Variants in MDGA1 observed in about 807,000 individuals in gnomAD.
MDGA1 encodes the protein MAM domain-containing glycosylphosphatidylinositol anchor protein 1.
A neutral mutation model predicts 101.5 loss-of-function variants in MDGA1; 54 were observed. The ratio of observed to expected loss-of-function variants is 0.53; its 90% CI spans 0.43 to 0.67. The LOEUF is 0.67. Among genes scored for constraint, MDGA1 ranks in the 30% least tolerant of loss-of-function variants. The pLI is 0.00. For synonymous variants in MDGA1, 533 were observed against 558.3 expected (o/e 0.95, Z 0.64); for missense variants, 1,083 against 1,323.8 (o/e 0.82, Z 2.82).
intron 1 of MDGA1, among the ~76,000 whole-genome samples, chr6:37,693,236 C>T (rs987372420): frequency 1.3e-5 from 2 of 149,328 alleles, no homozygotes; most frequent in Non-Finnish European, 3.0e-5. Flanking sequence ...AGTGAAAAAC[C>T]TCAAGTGCCC....
intron 1 of MDGA1, among the ~76,000 whole-genome samples, chr6:37,667,474 T>G (rs781181452): frequency 1.3e-5 from 2 of 152,230 alleles, no homozygotes; most frequent in Non-Finnish European, 2.9e-5. Flanking sequence ...AGTCCCTATA[T>G]AAGATGCACT....
chr6:37,645,198 T>C (rs556764255), intron 12 of MDGA1, among the ~76,000 whole-genome samples: 1 of 152,290 alleles, frequency 6.6e-6, no homozygotes, highest in Non-Finnish European at 1.5e-5. Context: ...CCATTCATCA[T>C]TGAAGGGGAT....
At position 37,643,763 on chromosome 6, in the gene MDGA1, T is replaced by C. The variant is rs762041735; in HGVS notation, c.2536+46A>G. ...TCCTGTGGACCCCACTCCCCTCCCA[T>C]CCTCCAGCACACACTTGGTGGAGAC... is the stretch of plus-strand genomic sequence containing the variant. On this transcript the variant is annotated intron_variant, in intron 14 of 16. Transcript: ENST00000434837. 4 of 1,608,356 alleles carry C rather than the reference T, an allele frequency of 2.5e-6. 1 individual carries two copies. The South Asian group carries it at 4.4e-5, about 18-fold the overall frequency.
At chr6:37,644,412 C>A in intron 13 of MDGA1, 85 bp downstream of exon 13, 1 of 1,338,900 alleles carries the variant, frequency 7.5e-7, no homozygotes, top group Non-Finnish European at 9.8e-7. Flanking sequence ...GGAGCCGTCT[C>A]CCTTCATCCC....
chr6:37,670,965 T>C (rs1761856517), intron 1 of MDGA1, among the ~76,000 whole-genome samples: 1 of 152,198 alleles, frequency 6.6e-6, no homozygotes, highest in Non-Finnish European at 1.5e-5. Flanking sequence ...TTCAGAGGCA[T>C]GGCTGGATTT....
In MDGA1 at chr6:37,637,249, C is replaced by T; in HGVS notation, c.*119G>A. ...CATCCTTGCAGCCAATGCAGGCCCC[C>T]TCCCTGGCGGGCCGGCCCTGCCCCT... On this transcript the variant is annotated 3_prime_UTR_variant, in exon 17 of 17. Transcript: ENST00000434837. 1.4e-6 allele frequency: 1 copy of T among 732,638 alleles called. No homozygotes were observed. Among genetic ancestry groups the T allele is most frequent in the Non-Finnish European group, 2.3e-6 (1 of 428,998 alleles). The allele number at this position is 732,638 out of a possible 1,614,324, so 45.4% of individuals were successfully genotyped here. A position where few individuals can be genotyped will look rare whatever the true frequency, so the allele number is the denominator to read the frequency against.
chr6:37,643,804 C>A lies in MDGA1; in HGVS notation c.2536+5G>T, dbSNP rs758126469. The A allele has an allele frequency of 1.9e-6, 3 of 1,613,900 alleles. No homozygotes were observed. The highest frequency in any genetic ancestry group is 2.5e-6 in the Non-Finnish European group (3 of 1,179,802). On this transcript the variant is annotated splice_donor_5th_base_variant and intron_variant, in intron 14 of 16. Coordinates refer to ENST00000434837, the MANE Select transcript of MDGA1 (RefSeq NM_153487.4). ...TGGTGGAGACTACCTGGCCCCCCAACTCACCGATGTGTTTCCCGTACATGT... is the reference window on the plus strand; with the variant it reads ...TGGTGGAGACTACCTGGCCCCCCAAATCACCGATGTGTTTCCCGTACATGT...
intron 1 of MDGA1, among the ~76,000 whole-genome samples, chr6:37,685,138 C>A (rs1762172416): frequency 6.6e-6 from 1 of 151,932 alleles, no homozygotes; most frequent in South Asian, 2.1e-4. Context: ...CTCGTCTCTA[C>A]AAAAATACAA....
intron 16 of MDGA1, 118 bp from the exon 17 acceptor site, chr6:37,637,577 G>A (rs1763958063): frequency 2.5e-6 from 2 of 813,728 alleles, no homozygotes; most frequent in African/African-American, 1.7e-5. Flanking sequence ...GCCTGAGGGT[G>A]GGCACTGGCC....
At chr6:37,693,745 C>T (rs561125312) in intron 1 of MDGA1, among the ~76,000 whole-genome samples, 32 of 152,226 alleles carry the variant, frequency 2.1e-4, no homozygotes, top group Non-Finnish European at 4.6e-4. Context: ...AAGCAGATTA[C>T]AGGATCCACC....
intron 9 of MDGA1, chr6:37,648,711 G>A (rs1367081752): frequency 7.1e-6 from 4 of 560,276 alleles, no homozygotes; most frequent in Admixed American, 3.6e-5. Flanking sequence ...GAAGGCGAAG[G>A]CCTCAACCTC....
At position 37,676,089 on chromosome 6, in the gene MDGA1, C is replaced by T. The variant is rs144029850; in HGVS notation, c.68-11983G>A. 3.5e-3 allele frequency among the ~76,000 whole-genome samples: 532 copies of T among 152,294 alleles called. 2 individuals are homozygous for T. Among genetic ancestry groups the T allele is most frequent in the Non-Finnish European group, 5.6e-3 (380 of 68,026 alleles). On this transcript the variant is annotated intron_variant, in intron 1 of 16. Transcript: ENST00000434837. Reference sequence around the variant, plus strand: ...CATAGTGCATGCTGCCTAGTAGATACGCTAGAAGTACAGTTAGAAGGGGCT... The same window carrying T: ...CATAGTGCATGCTGCCTAGTAGATATGCTAGAAGTACAGTTAGAAGGGGCT...
chr6:37,655,451 CT>C lies in MDGA1; in HGVS notation c.579+248del. ...ATGACCTGTCTGCCCCTAGGGGTGC[CT>C]TTTCCTAACTAGCAATGTTCCTGGA... On this transcript the variant is annotated intron_variant, in intron 4 of 16. Coordinates refer to ENST00000434837, the MANE Select transcript of MDGA1 (RefSeq NM_153487.4). The surrounding 1 kb of genome is among the most constrained non-coding windows in gnomAD (Gnocchi z 5.1). The C allele has an allele frequency of 1.3e-5, 6 of 444,620 alleles. No individual in the cohort carries two copies. The highest frequency in any genetic ancestry group is 7.1e-5 in the South Asian group (2 of 28,128). The allele number at this position is 444,620 out of a possible 1,614,324, so 27.5% of individuals were successfully genotyped here.
At position 37,647,339 on chromosome 6, in the gene MDGA1, A is replaced by T; in HGVS notation, c.1895-15T>A. 1 of 1,490,522 alleles carries T rather than the reference A, an allele frequency of 6.7e-7. No individual in the cohort carries two copies. Among genetic ancestry groups the T allele is most frequent in the Non-Finnish European group, 9.1e-7 (1 of 1,102,398 alleles). The allele number at this position is 1,490,522 out of a possible 1,614,324, so 92.3% of individuals were successfully genotyped here. On this transcript the variant is annotated splice_polypyrimidine_tract_variant and intron_variant, in intron 9 of 16. Coordinates refer to ENST00000434837, the MANE Select transcript of MDGA1 (RefSeq NM_153487.4). ...GTAGGCTTTGGCTAAGAGGGCGGGGAGGGGGGCATTGGGCCGTGGAGGGTG... is the reference window on the plus strand; with the variant it reads ...GTAGGCTTTGGCTAAGAGGGCGGGGTGGGGGGCATTGGGCCGTGGAGGGTG...
chr6:37,665,330 A>T (rs3846880), intron 1 of MDGA1, among the ~76,000 whole-genome samples: 80,473 of 152,006 alleles, frequency 0.53, 22,524 homozygotes, highest in African/African-American at 0.7. Context: ...CAAGGAGGTA[A>T]AAATGACATC....
intron 12 of MDGA1, among the ~76,000 whole-genome samples, chr6:37,644,923 G>T (rs1761152447): frequency 6.6e-6 from 1 of 152,126 alleles, no homozygotes; most frequent in Non-Finnish European, 1.5e-5. Flanking sequence ...GAAATGTATA[G>T]GATTATAAAG....
In MDGA1 at chr6:37,637,208, G is replaced by A; in HGVS notation, c.*160C>T. 1 of 603,432 alleles carries A rather than the reference G, an allele frequency of 1.7e-6. No homozygotes were observed. Among genetic ancestry groups the A allele is most frequent in the Non-Finnish European group, 3.0e-6 (1 of 335,112 alleles). The allele number at this position is 603,432 out of a possible 1,614,324, so 37.4% of individuals were successfully genotyped here. A position where few individuals can be genotyped will look rare whatever the true frequency, so the allele number is the denominator to read the frequency against. ...TCCAGGGCCTCAGTGCCTGGCCTCTGTCCTTGTTCTCTGCTCATCCTTGCA... is the reference window on the plus strand; with the variant it reads ...TCCAGGGCCTCAGTGCCTGGCCTCTATCCTTGTTCTCTGCTCATCCTTGCA... On this transcript the variant is annotated 3_prime_UTR_variant, in exon 17 of 17. Coordinates refer to ENST00000434837, the MANE Select transcript of MDGA1 (RefSeq NM_153487.4).
intron 2 of MDGA1, 41 bp from the exon 3 acceptor site, chr6:37,658,460 C>A: frequency 6.4e-7 from 1 of 1,566,268 alleles, no homozygotes; most frequent in South Asian, 1.2e-5. Context: ...GTCAGACTCA[C>A]ACGGGGTGGG....
intron 1 of MDGA1, among the ~76,000 whole-genome samples, chr6:37,693,293 T>C (rs564291257): frequency 3.3e-5 from 5 of 152,310 alleles, no homozygotes; most frequent in African/African-American, 1.2e-4. Context: ...ACTCACTTCC[T>C]GAAATTCCTT....
Sources: gnomAD v4.1 joint callset for allele counts (sites outside exome capture counted in the v4.1 genomes callset) on GRCh38, gnomAD v4.1.1 for gene constraint, Gnocchi (gnomAD v3.1) non-coding constraint, MANE v1.5 for transcripts, NCBI Gene and HGNC (gene_info 2026-07-23, HGNC 2026-07-21) for gene names.